Variants in INTS15 observed in about 807,000 individuals in gnomAD.
INTS15 encodes uncharacterized protein C7orf26.
At chr7:6,600,532 C>T in the INTS15 span, among the ~76,000 whole-genome samples, 5 of 152,176 alleles carry the variant, frequency 3.3e-5, no homozygotes, top group Admixed American at 6.5e-5. Context: ...CCTCCCTGCT[C>T]ACCCCGTCAG....
the INTS15 span, chr7:6,602,387 T>C: frequency 2.0e-6 from 1 of 498,978 alleles, no homozygotes. Flanking sequence ...CTAGTGAAGG[T>C]GCACCTGTTG....
the INTS15 span, chr7:6,608,586 C>T: frequency 9.9e-7 from 1 of 1,011,526 alleles, no homozygotes; most frequent in South Asian, 2.9e-5. Flanking sequence ...GCCCAGGCTG[C>T]GTAGTGACCA....
chr7:6,602,284 G>A, the INTS15 span: 3 of 629,300 alleles, frequency 4.8e-6, no homozygotes, highest in African/African-American at 3.7e-5. Flanking sequence ...GAAAACGCAC[G>A]TGAATGGAAC....
At chr7:6,596,334 G>C in the INTS15 span, among the ~76,000 whole-genome samples, 1 of 149,366 alleles carries the variant, frequency 6.7e-6, no homozygotes, top group East Asian at 2.0e-4. Flanking sequence ...GATTACAGGC[G>C]TGAGCCACTG....
chr7:6,607,176 ACT>A, the INTS15 span, among the ~76,000 whole-genome samples: 3 of 151,528 alleles, frequency 2.0e-5, no homozygotes, highest in African/African-American at 7.3e-5. This position sits in a 1 kb window ranked among gnomAD's most constrained non-coding sequence, Gnocchi z 6.0. Context: ...GCCGTGAGAA[ACT>A]CTTTCAGGAG....
chr7:6,604,609 G>A, the INTS15 span, among the ~76,000 whole-genome samples: 3 of 152,172 alleles, frequency 2.0e-5, no homozygotes, highest in African/African-American at 7.2e-5. Flanking sequence ...AGCCCTGGGG[G>A]TGCACACAGC....
chr7:6,590,269 C>G, the INTS15 span: 17 of 1,505,586 alleles, frequency 1.1e-5, no homozygotes, highest in Middle Eastern at 2.3e-4. Flanking sequence ...GCGCGGGGGC[C>G]GCGGCGGCCG....
At chr7:6,603,300 C>T in the INTS15 span, among the ~76,000 whole-genome samples, 1 of 151,884 alleles carries the variant, frequency 6.6e-6, no homozygotes, top group African/African-American at 2.4e-5. Context: ...GTAATCCCAG[C>T]ACTTTGGGAG....
the INTS15 span, among the ~76,000 whole-genome samples, chr7:6,596,156 A>G: frequency 2.6e-5 from 4 of 151,570 alleles, no homozygotes; most frequent in South Asian, 6.2e-4. Context: ...GGTTTAAACA[A>G]TTCTCGTGCC....
chr7:6,596,961 G>A, the INTS15 span, among the ~76,000 whole-genome samples: 2 of 152,090 alleles, frequency 1.3e-5, no homozygotes, highest in East Asian at 1.9e-4. Context: ...TGTATTTTTA[G>A]TAGAGATGGG....
chr7:6,592,398 C>T, the INTS15 span, among the ~76,000 whole-genome samples: 1 of 151,746 alleles, frequency 6.6e-6, no homozygotes, highest in Non-Finnish European at 1.5e-5. Context: ...GAAACCCTGT[C>T]TCTACTGAAA....
chr7:6,596,682 T>G, the INTS15 span, among the ~76,000 whole-genome samples: 17 of 151,452 alleles, frequency 1.1e-4, no homozygotes, highest in South Asian at 3.1e-3. Context: ...CCCGGCCACC[T>G]TTTTTCTTGT....
chr7:6,592,173 A>T, the INTS15 span, among the ~76,000 whole-genome samples: 13 of 151,722 alleles, frequency 8.6e-5, no homozygotes, highest in African/African-American at 2.4e-4. Flanking sequence ...TCCGTCTCAA[A>T]AAAAAAAGAG....
the INTS15 span, chr7:6,601,963 C>T: frequency 2.6e-6 from 2 of 777,188 alleles, no homozygotes; most frequent in East Asian, 5.5e-5. Context: ...GGCTAGAACT[C>T]AGTTTCTAAA....
chr7:6,590,813 A>C, the INTS15 span, among the ~76,000 whole-genome samples: 238 of 150,994 alleles, frequency 1.6e-3, 1 homozygote, highest in African/African-American at 5.5e-3. Flanking sequence ...CTTTCTTCTT[A>C]CATCTTTTTC....
the INTS15 span, chr7:6,607,467 G>A: frequency 1.3e-5 from 15 of 1,193,232 alleles, no homozygotes; most frequent in Non-Finnish European, 1.7e-5. The surrounding 1 kb of genome is among the most constrained non-coding windows in gnomAD (Gnocchi z 6.0). Flanking sequence ...GGTCCCGGAG[G>A]TCTGTAACGG....
At chr7:6,595,328 G>C in the INTS15 span, among the ~76,000 whole-genome samples, 1 of 152,092 alleles carries the variant, frequency 6.6e-6, no homozygotes, top group Non-Finnish European at 1.5e-5. Context: ...ATGTCTGGCT[G>C]ATTTTTTATA....
chr7:6,602,469 C>T, the INTS15 span, among the ~76,000 whole-genome samples: 1 of 152,172 alleles, frequency 6.6e-6, no homozygotes, highest in South Asian at 2.1e-4. Flanking sequence ...GGAAGTCTCG[C>T]AGAGCCACAG....
the INTS15 span, chr7:6,600,408 C>A: frequency 1.3e-6 from 2 of 1,531,850 alleles, no homozygotes; most frequent in Non-Finnish European, 1.8e-6. Context: ...CGCCGCCCTG[C>A]AGAAGGAAGG....
Sources: gnomAD v4.1 joint callset for allele counts (sites outside exome capture counted in the v4.1 genomes callset) on GRCh38, gnomAD v4.1.1 for gene constraint, Gnocchi (gnomAD v3.1) non-coding constraint, MANE v1.5 for transcripts, NCBI Gene and HGNC (gene_info 2026-07-23, HGNC 2026-07-21) for gene names.